The following ME3 variants were observed in gnomAD, a reference collection of about 807,000 sequenced individuals.
ME3 encodes NADP-dependent malic enzyme, mitochondrial.
A neutral mutation model predicts 68.9 loss-of-function variants in ME3; 48 were observed. The observed-to-expected ratio is 0.70, with a 90% CI of 0.55 to 0.89. The LOEUF (loss-of-function observed/expected upper bound fraction) is 0.89, where lower values mean the gene tolerates loss of function less well. Among genes scored for constraint, ME3 ranks in the 40% least tolerant of loss-of-function variants. The pLI is 0.00. For missense variants in ME3, 675 were observed against 797.4 expected (o/e 0.85, Z 1.85); for synonymous variants, 320 against 318.8 (o/e 1.00, Z -0.04).
At chr11:86,548,236 C>G (rs78515901) in intron 4 of ME3, among the ~76,000 whole-genome samples, 112 of 152,358 alleles carry the variant, frequency 7.4e-4, no homozygotes, top group Non-Finnish European at 1.3e-3. Flanking sequence ...CCAGTTCCCT[C>G]AGTGATTGAA....
intron 2 of ME3, among the ~76,000 whole-genome samples, chr11:86,666,592 T>C (rs914625725): frequency 3.3e-5 from 5 of 152,232 alleles, no homozygotes; most frequent in African/African-American, 1.2e-4. Context: ...AAAAGTTTGA[T>C]TTCAACCTGC....
At chr11:86,532,967 G>A (rs75700574) in intron 4 of ME3, among the ~76,000 whole-genome samples, 9,449 of 152,004 alleles carry the variant, frequency 0.062, 431 homozygotes, top group South Asian at 0.17. Context: ...TGGGAGAATC[G>A]TTTGAACCCA....
At chr11:86,591,703 A>G (rs1959069114) in intron 2 of ME3, among the ~76,000 whole-genome samples, 1 of 152,208 alleles carries the variant, frequency 6.6e-6, no homozygotes, top group South Asian at 2.1e-4. Context: ...GCAAAAGGCA[A>G]GGAGGAGCAA....
chr11:86,521,382 G>A (rs1182093252), intron 4 of ME3, among the ~76,000 whole-genome samples: 6 of 138,822 alleles, frequency 4.3e-5, no homozygotes, highest in African/African-American at 1.4e-4. Context: ...GCGACAGAGC[G>A]AGACTCCATC....
intron 2 of ME3, among the ~76,000 whole-genome samples, chr11:86,648,160 T>TGG (rs986465224): frequency 1.4e-4 from 22 of 152,326 alleles, no homozygotes; most frequent in African/African-American, 5.3e-4. Flanking sequence ...GAATGACTAC[T>TGG]GGGTAAATAA....
intron 2 of ME3, among the ~76,000 whole-genome samples, chr11:86,615,869 A>T (rs966374901): frequency 6.6e-6 from 1 of 152,184 alleles, no homozygotes; most frequent in African/African-American, 2.4e-5. Context: ...TCTTGTAGTG[A>T]TTTCAGAGCA....
intron 13 of ME3, among the ~76,000 whole-genome samples, chr11:86,446,106 TC>T (rs1949271118): frequency 6.6e-6 from 1 of 152,064 alleles, no homozygotes; most frequent in African/African-American, 2.4e-5. Flanking sequence ...TCACCACTAT[TC>T]CCCATTCCCC....
chr11:86,498,200 C>T (rs1371391645), intron 5 of ME3, 76 bp from the exon 6 acceptor site: 10 of 1,505,804 alleles, frequency 6.6e-6, no homozygotes, highest in Admixed American at 2.0e-5. Flanking sequence ...AGCCCCAGCC[C>T]ATCAGGCTTG....
chr11:86,533,683 A>G (rs923590274), intron 4 of ME3, among the ~76,000 whole-genome samples: 15 of 152,240 alleles, frequency 9.9e-5, no homozygotes, highest in Non-Finnish European at 1.6e-4. Flanking sequence ...AGGACACTAC[A>G]AAGAAAAGAA....
At chr11:86,519,691 G>A (rs1954130830) in intron 4 of ME3, among the ~76,000 whole-genome samples, 1 of 152,178 alleles carries the variant, frequency 6.6e-6, no homozygotes, top group African/African-American at 2.4e-5. Flanking sequence ...CTGAGAACCT[G>A]CAAGATGCTA....
chr11:86,548,872 G>A (rs911406531), intron 4 of ME3, among the ~76,000 whole-genome samples: 4 of 152,298 alleles, frequency 2.6e-5, no homozygotes, highest in South Asian at 2.1e-4. Flanking sequence ...CCGTGGAAAT[G>A]TCTTCTACTC....
At chr11:86,461,769 C>T (rs1950234521) in intron 8 of ME3, among the ~76,000 whole-genome samples, 1 of 152,140 alleles carries the variant, frequency 6.6e-6, no homozygotes, top group Non-Finnish European at 1.5e-5. Flanking sequence ...TCCTGCCCAC[C>T]TCTTTATGGT....
intron 2 of ME3, among the ~76,000 whole-genome samples, chr11:86,566,965 C>G (rs1261172323): frequency 6.6e-6 from 1 of 152,040 alleles, no homozygotes; most frequent in East Asian, 1.9e-4. Flanking sequence ...TACCTGTAAT[C>G]CCAGCACTTT....
At chr11:86,508,345 C>T (rs967327534) in intron 5 of ME3, among the ~76,000 whole-genome samples, 1 of 152,224 alleles carries the variant, frequency 6.6e-6, no homozygotes, top group Non-Finnish European at 1.5e-5. Context: ...TAAAAATCGT[C>T]ATTGCCTCTA....
intron 2 of ME3, among the ~76,000 whole-genome samples, chr11:86,607,089 A>G (rs1431361553): frequency 1.3e-5 from 2 of 152,184 alleles, no homozygotes; most frequent in African/African-American, 4.8e-5. Context: ...GGATAGAGGT[A>G]CAGGCTTATT....
intron 8 of ME3, among the ~76,000 whole-genome samples, chr11:86,455,763 C>G (rs1219253012): frequency 1.3e-5 from 2 of 152,212 alleles, no homozygotes; most frequent in Admixed American, 1.3e-4. Flanking sequence ...TTTCCCATAT[C>G]TACTTTTTTA....
rs1959122024 is a variant in ME3, at chr11:86,592,517, G to T, written c.184-32694C>A. 2.0e-5 allele frequency among the ~76,000 whole-genome samples: 3 copies of T among 152,170 alleles called. No individual in the cohort carries two copies. In the South Asian group the frequency reaches 6.2e-4, roughly 32 times the overall value. ...CCACAGTGACTTCATTACTACATCT[G>T]AGGGGAGAGAAGTGTGAGTTTAATT... On this transcript the variant is annotated intron_variant, in intron 2 of 14. Coordinates refer to ENST00000543262, the Ensembl canonical transcript of ME3.
chr11:86,542,995 A>G (rs949742099), intron 4 of ME3, among the ~76,000 whole-genome samples: 1 of 152,256 alleles, frequency 6.6e-6, no homozygotes, highest in African/African-American at 2.4e-5. Context: ...ATGGGAGTCA[A>G]TATTCAACAT....
intron 4 of ME3, among the ~76,000 whole-genome samples, chr11:86,512,523 T>C (rs545075154): frequency 6.6e-6 from 1 of 152,308 alleles, no homozygotes; most frequent in South Asian, 2.1e-4. Flanking sequence ...ATGATAATGA[T>C]AGTTGAGGGA....
Sources: allele counts gnomAD v4.1 joint callset (sites outside exome capture counted in the v4.1 genomes callset), GRCh38; gene constraint gnomAD v4.1.1; transcripts MANE v1.5; gene names NCBI Gene and HGNC (gene_info 2026-07-23, HGNC 2026-07-21).